EIF4G3: variants seen among roughly 807,000 people sequenced by gnomAD.
EIF4G3 encodes eukaryotic translation initiation factor 4 gamma 3, also known as eIF-4-gamma 3.
EIF4G3 carries 34 observed loss-of-function variants against 186.4 expected under a neutral mutation model. The observed-to-expected ratio is 0.18, with a 90% CI of 0.14 to 0.24. The LOEUF (loss-of-function observed/expected upper bound fraction) is 0.24, where lower values mean the gene tolerates loss of function less well. Ranked by LOEUF, EIF4G3 falls within the 10% of genes least tolerant of loss-of-function variation. The pLI is 1.00. For synonymous variants in EIF4G3, 673 were observed against 679.5 expected (o/e 0.99, Z 0.15); for missense variants, 1,536 against 1,948.5 (o/e 0.79, Z 3.99).
chr1:21,059,789 T>C (rs1169471327), intron 3 of EIF4G3, among the ~76,000 whole-genome samples: 1 of 152,248 alleles, frequency 6.6e-6, no homozygotes, highest in Non-Finnish European at 1.5e-5. Flanking sequence ...TTTTCTTATT[T>C]AGTAACTATC....
intron 4 of EIF4G3, among the ~76,000 whole-genome samples, chr1:21,045,237 C>G (rs1355914795): frequency 1.3e-5 from 2 of 152,126 alleles, no homozygotes; most frequent in Non-Finnish European, 2.9e-5. Flanking sequence ...TTCCCGGAAG[C>G]TGGATAAAGC....
At chr1:21,164,990 C>A (rs965487469) in intron 2 of EIF4G3, among the ~76,000 whole-genome samples, 4 of 152,114 alleles carry the variant, frequency 2.6e-5, no homozygotes, top group African/African-American at 9.7e-5. Context: ...ACCCAATTAA[C>A]AACTGGGCAA....
At chr1:20,905,081 C>G (rs2091661730) in intron 14 of EIF4G3, 110 bp from the exon 15 acceptor site, 1 of 692,574 alleles carries the variant, frequency 1.4e-6, no homozygotes, top group African/African-American at 1.8e-5. Flanking sequence ...AGAACTTTAC[C>G]TATACCAAAC....
At chr1:21,135,906 G>A (rs185841460) in intron 2 of EIF4G3, among the ~76,000 whole-genome samples, 191 of 152,314 alleles carry the variant, frequency 1.3e-3, no homozygotes, top group Non-Finnish European at 1.9e-3. Context: ...AACACAGGCC[G>A]GGCGCGGTGG....
chr1:20,827,788 T>C (rs1382770088), intron 31 of EIF4G3, 90 bp from the exon 32 acceptor site: 9 of 797,182 alleles, frequency 1.1e-5, no homozygotes, highest in Admixed American at 6.2e-5. Flanking sequence ...AAAAACCAGA[T>C]ACTGTGCAAC....
intron 18 of EIF4G3, chr1:20,893,030 C>T: frequency 3.3e-6 from 1 of 304,716 alleles, no homozygotes; most frequent in Non-Finnish European, 6.1e-6. Context: ...ACCTCAGTCT[C>T]CCGAGTAGCT....
At chr1:20,924,562 TTTTTG>T (rs1450152537) in intron 14 of EIF4G3, among the ~76,000 whole-genome samples, 11 of 152,164 alleles carry the variant, frequency 7.2e-5, no homozygotes, top group African/African-American at 2.4e-4. Flanking sequence ...AGAATTGTTC[TTTTTG>T]TTTTGTTTTT....
chr1:21,141,377 T>TGTGTG (rs2097333904), intron 2 of EIF4G3, among the ~76,000 whole-genome samples: 1 of 145,154 alleles, frequency 6.9e-6, no homozygotes, highest in East Asian at 2.0e-4. Flanking sequence ...TATTTTTTCT[T>TGTGTG]TGTGTGTGTG....
At chr1:20,946,221 A>C (rs146210187) in intron 13 of EIF4G3, among the ~76,000 whole-genome samples, 257 of 152,228 alleles carry the variant, frequency 1.7e-3, no homozygotes, top group Non-Finnish European at 3.3e-3. Flanking sequence ...GAATGGTTGA[A>C]TTACAAACAG....
intron 14 of EIF4G3, among the ~76,000 whole-genome samples, chr1:20,928,873 T>C (rs2095123106): frequency 6.6e-6 from 1 of 152,172 alleles, no homozygotes; most frequent in African/African-American, 2.4e-5. Flanking sequence ...CGGTATGTAT[T>C]AGCACCGTCT....
chr1:21,132,337 C>T (rs1290680653), intron 2 of EIF4G3, among the ~76,000 whole-genome samples: 1 of 151,746 alleles, frequency 6.6e-6, no homozygotes. Context: ...CATTTTGTTG[C>T]TTTAATTAAA....
chr1:20,863,201 T>C (rs920776251), intron 22 of EIF4G3, among the ~76,000 whole-genome samples: 1 of 151,940 alleles, frequency 6.6e-6, no homozygotes, highest in African/African-American at 2.4e-5. Flanking sequence ...ATAATATAAA[T>C]GGAAATGTTA....
chr1:20,895,293 C>A, intron 17 of EIF4G3, 75 bp downstream of exon 17: 1 of 1,494,768 alleles, frequency 6.7e-7, no homozygotes. Flanking sequence ...ACTGCTCATA[C>A]TTCACATATT....
chr1:20,961,694 G>A (rs896173508), intron 12 of EIF4G3, among the ~76,000 whole-genome samples: 3 of 152,088 alleles, frequency 2.0e-5, no homozygotes, highest in Non-Finnish European at 4.4e-5. Flanking sequence ...GACGAACAGA[G>A]AATAGGACAC....
At position 20,886,193 on chromosome 1, in the gene EIF4G3, G is replaced by T; in HGVS notation, c.2424+8C>A. On this transcript the variant is annotated splice_region_variant and intron_variant, in intron 19 of 36. Transcript: ENST00000602326. ...CAAAAGAATGTTAGGATATGCTTTTGTTCTCACCTGGGTTTTAATGTTTTC... is the reference window on the plus strand; with the variant it reads ...CAAAAGAATGTTAGGATATGCTTTTTTTCTCACCTGGGTTTTAATGTTTTC... 6.2e-7 allele frequency: 1 copy of T among 1,606,644 alleles called. No individual in the cohort carries two copies. Among genetic ancestry groups the T allele is most frequent in the Non-Finnish European group, 8.5e-7 (1 of 1,177,866 alleles).
chr1:21,095,588 C>T (rs2096345419), intron 2 of EIF4G3, among the ~76,000 whole-genome samples: 2 of 152,182 alleles, frequency 1.3e-5, no homozygotes, highest in African/African-American at 2.4e-5. Flanking sequence ...GCCGGGATTA[C>T]AGGCATGAGC....
At chr1:21,079,253 T>C (rs2095686923) in intron 3 of EIF4G3, among the ~76,000 whole-genome samples, 3 of 152,122 alleles carry the variant, frequency 2.0e-5, no homozygotes, top group Non-Finnish European at 1.5e-5. Flanking sequence ...GCCTACTCAA[T>C]AGTGACCTGG....
At chr1:21,159,155 G>A (rs2097714336) in intron 2 of EIF4G3, among the ~76,000 whole-genome samples, 1 of 152,122 alleles carries the variant, frequency 6.6e-6, no homozygotes, top group Non-Finnish European at 1.5e-5. Context: ...AACAAGGGCT[G>A]GGTGCAGTGG....
chr1:21,079,634 T>C (rs965425711), intron 3 of EIF4G3, among the ~76,000 whole-genome samples: 5 of 149,950 alleles, frequency 3.3e-5, no homozygotes, highest in African/African-American at 7.4e-5. Context: ...CAGCGAGCCA[T>C]GACTGAGCTA....
Sources: allele counts gnomAD v4.1 joint callset (sites outside exome capture counted in the v4.1 genomes callset), GRCh38; gene constraint gnomAD v4.1.1; transcripts MANE v1.5; gene names NCBI Gene and HGNC (gene_info 2026-07-23, HGNC 2026-07-21).